The following ANK2 variants were observed in gnomAD, a reference collection of about 807,000 sequenced individuals.
ANK2 encodes the protein ankyrin 2.
A neutral mutation model predicts 360.5 loss-of-function variants in ANK2; 83 were observed. The observed-to-expected ratio is 0.23, with a 90% CI of 0.19 to 0.28. The LOEUF (loss-of-function observed/expected upper bound fraction) is 0.28. ANK2 is among the 10% of genes least tolerant of loss of function. The pLI is 1.00. For missense variants in ANK2, 4,201 were observed against 4,795.7 expected (o/e 0.88, Z 3.66); for synonymous variants, 1,740 against 1,759.5 (o/e 0.99, Z 0.28).
At chr4:113,359,362 G>T in intron 38 of ANK2, 63 bp downstream of exon 38, 2 of 1,596,846 alleles carry the variant, frequency 1.3e-6, no homozygotes, top group Non-Finnish European at 1.7e-6. Flanking sequence ...TAGTTTTTTT[G>T]TATGTTTGTT....
chr4:113,192,715 TA>T (rs1394009615), intron 2 of ANK2, among the ~76,000 whole-genome samples: 1 of 152,130 alleles, frequency 6.6e-6, no homozygotes, highest in Non-Finnish European at 1.5e-5. Context: ...ATAATATATG[TA>T]AAATGTAAAA....
Position 113,183,648 on chromosome 4 carries a change from G to C in ANK2, c.186+9131G>C, listed in dbSNP as rs118158928. Among the ~76,000 whole-genome samples, 385 of 152,266 alleles carry C rather than the reference G, an allele frequency of 2.5e-3. 8 individuals are homozygous for C. The East Asian group carries it at 0.052, about 20-fold the overall frequency. On this transcript the variant is annotated intron_variant, in intron 2 of 45. Transcript: ENST00000357077. ...GAGTTGGATGAGTAGATTAGCAAGA[G>C]AGTAAGTGCTGTTCAGAGGGTTGGA...
intron 2 of ANK2, among the ~76,000 whole-genome samples, chr4:112,947,993 C>T (rs2094657754): frequency 3.3e-5 from 5 of 152,204 alleles, no homozygotes; most frequent in Admixed American, 3.3e-4. Context: ...ACTTAGTGCT[C>T]TGAGCACTCT....
At chr4:113,272,666 C>T (rs987098301) in intron 14 of ANK2, among the ~76,000 whole-genome samples, 2 of 151,946 alleles carry the variant, frequency 1.3e-5, no homozygotes, top group Non-Finnish European at 2.9e-5. Context: ...AGTCTAAGAA[C>T]CAAGGATCAA....
intron 15 of ANK2, among the ~76,000 whole-genome samples, chr4:113,277,365 C>T (rs2060620939): frequency 6.6e-6 from 1 of 151,994 alleles, no homozygotes; most frequent in Non-Finnish European, 1.5e-5. Flanking sequence ...AACTAATTCA[C>T]GAATACTTGT....
At chr4:112,783,170 A>G in the ANK2 span, among the ~76,000 whole-genome samples, 1 of 152,156 alleles carries the variant, frequency 6.6e-6, no homozygotes, top group Admixed American at 6.5e-5. Flanking sequence ...TGGCCTCCCA[A>G]AGTGCCGGGA....
At chr4:113,054,682 A>G (rs2068723981) in intron 1 of ANK2, among the ~76,000 whole-genome samples, 1 of 152,170 alleles carries the variant, frequency 6.6e-6, no homozygotes, top group African/African-American at 2.4e-5. Flanking sequence ...CCCTTTATAA[A>G]ATACCAACTT....
At chr4:112,725,003 G>C in the ANK2 span, among the ~76,000 whole-genome samples, 5 of 152,162 alleles carry the variant, frequency 3.3e-5, no homozygotes, top group Non-Finnish European at 7.3e-5. Context: ...CATTCAGCCG[G>C]GTGCCGTGGC....
intron 1 of ANK2, among the ~76,000 whole-genome samples, chr4:113,114,848 T>A (rs566876288): frequency 6.6e-6 from 1 of 152,280 alleles, no homozygotes; most frequent in East Asian, 1.9e-4. Flanking sequence ...AGTGGAAAGG[T>A]CTTGTGCCAG....
chr4:112,903,955 T>C (rs112705467), intron 1 of ANK2, among the ~76,000 whole-genome samples: 4 of 152,280 alleles, frequency 2.6e-5, no homozygotes, highest in East Asian at 1.9e-4. Context: ...TTCTGACATA[T>C]TGTAGATGTT....
the ANK2 span, among the ~76,000 whole-genome samples, chr4:112,760,537 T>C: frequency 2.8e-4 from 43 of 151,754 alleles, no homozygotes; most frequent in African/African-American, 9.6e-4. Context: ...TTTTTTTCTA[T>C]TTTTTAATTT....
chr4:112,793,328 G>A, the ANK2 span, among the ~76,000 whole-genome samples: 285 of 152,200 alleles, frequency 1.9e-3, 1 homozygote, highest in African/African-American at 6.4e-3. Context: ...AAATCTAAAT[G>A]TGTTTCTTTA....
intron 2 of ANK2, among the ~76,000 whole-genome samples, chr4:112,953,967 T>C (rs2095195686): frequency 2.0e-5 from 3 of 151,726 alleles, no homozygotes; most frequent in African/African-American, 7.3e-5. Flanking sequence ...TTCTTTCTTA[T>C]AAATGTAAAG....
chr4:113,257,710 C>G (rs1230227817), intron 11 of ANK2, among the ~76,000 whole-genome samples: 1 of 152,064 alleles, frequency 6.6e-6, no homozygotes, highest in Admixed American at 6.5e-5. Flanking sequence ...ATTTAATAAC[C>G]AGGACAATCA....
intron 26 of ANK2, among the ~76,000 whole-genome samples, chr4:113,325,799 G>T (rs569862139): frequency 6.6e-6 from 1 of 152,262 alleles, no homozygotes; most frequent in Admixed American, 6.5e-5. Flanking sequence ...AATTCCGTAT[G>T]CTTTACCCAC....
intron 1 of ANK2, among the ~76,000 whole-genome samples, chr4:112,878,451 C>A (rs992722316): frequency 6.6e-6 from 1 of 152,122 alleles, no homozygotes; most frequent in Non-Finnish European, 1.5e-5. Context: ...CTCAGCCTCC[C>A]GAGTAGCTGG....
At chr4:112,977,143 GAATTA>G (rs2041700003) in intron 2 of ANK2, among the ~76,000 whole-genome samples, 1 of 152,132 alleles carries the variant, frequency 6.6e-6, no homozygotes, top group Admixed American at 6.5e-5. Flanking sequence ...AAAGTAGTAG[GAATTA>G]AATTGTATTC....
intron 41 of ANK2, among the ~76,000 whole-genome samples, 159 bp downstream of exon 41, chr4:113,365,341 G>A (rs564466583): frequency 6.6e-6 from 1 of 151,678 alleles, no homozygotes; most frequent in African/African-American, 2.4e-5. Flanking sequence ...GCTACCCTGA[G>A]GCTTTCCTCC....
At chr4:113,015,525 G>A (rs966318325) in intron 2 of ANK2, among the ~76,000 whole-genome samples, 8 of 152,228 alleles carry the variant, frequency 5.3e-5, no homozygotes, top group Admixed American at 2.0e-4. Flanking sequence ...TGTTCATGAG[G>A]CCATTCAAAA....
Sources: allele counts gnomAD v4.1 joint callset (sites outside exome capture counted in the v4.1 genomes callset), GRCh38; gene constraint gnomAD v4.1.1; transcripts MANE v1.5; gene names NCBI Gene and HGNC (gene_info 2026-07-23, HGNC 2026-07-21).